The following APOL5 variants were observed in gnomAD, a reference collection of about 807,000 sequenced individuals.
APOL5 encodes apolipoprotein L, 5.
APOL5 carries 29 observed loss-of-function variants against 35.5 expected under a neutral mutation model. That is an observed-to-expected ratio of 0.82 (90% confidence interval 0.61 to 1.11). APOL5 has a LOEUF of 1.11. Ranked by LOEUF, APOL5 falls within the 50% of genes most tolerant of loss-of-function variation. The pLI, the probability that APOL5 is intolerant of heterozygous loss-of-function variation, is 0.00. For missense variants in APOL5, 514 were observed against 530.4 expected, an observed-to-expected ratio of 0.97 and a Z score of 0.30; for synonymous variants, 188 against 200.2, an observed-to-expected ratio of 0.94 and a Z score of 0.51.
upstream of APOL5, among the ~76,000 whole-genome samples, chr22:35,716,770 T>C (rs1246407055): frequency 1.3e-5 from 2 of 152,000 alleles, no homozygotes; most frequent in Non-Finnish European, 1.5e-5. Flanking sequence ...AAGAAAAGAA[T>C]ATAAAGAACA....
chr22:35,719,886 T>C (rs1371240186), intron 1 of APOL5, among the ~76,000 whole-genome samples: 1 of 152,054 alleles, frequency 6.6e-6, no homozygotes, highest in Non-Finnish European at 1.5e-5. Context: ...TTTTATCGAG[T>C]GTAGTTCTCA....
chr22:35,717,450 G>A (rs1011560857), upstream of APOL5, among the ~76,000 whole-genome samples: 9 of 146,690 alleles, frequency 6.1e-5, no homozygotes, highest in African/African-American at 2.3e-4. Flanking sequence ...CCTTCCAAAA[G>A]CCATAGCAGC....
intron 3 of APOL5, among the ~76,000 whole-genome samples, chr22:35,728,052 T>C (rs1326899050): frequency 6.6e-6 from 1 of 152,220 alleles, no homozygotes; most frequent in Non-Finnish European, 1.5e-5. Flanking sequence ...CAGATTTTCA[T>C]TAAGTGGGGC....
At chr22:35,719,519 C>T (rs1222265519) in intron 1 of APOL5, among the ~76,000 whole-genome samples, 3 of 152,214 alleles carry the variant, frequency 2.0e-5, no homozygotes, top group Non-Finnish European at 2.9e-5. Context: ...AACATGGCCC[C>T]GATTGTCTTG....
chr22:35,710,477 G>A, the APOL5 span, among the ~76,000 whole-genome samples: 2 of 150,526 alleles, frequency 1.3e-5, no homozygotes, highest in African/African-American at 4.9e-5. Flanking sequence ...CTATAAATGT[G>A]TATATATATA....
At chr22:35,710,456 T>C in the APOL5 span, among the ~76,000 whole-genome samples, 1 of 151,894 alleles carries the variant, frequency 6.6e-6, no homozygotes, top group Non-Finnish European at 1.5e-5. Context: ...TTTGTCTATA[T>C]ACTTAAATGC....
chr22:35,713,612 G>A (rs921960572), upstream of APOL5, among the ~76,000 whole-genome samples: 13 of 152,180 alleles, frequency 8.5e-5, no homozygotes, highest in African/African-American at 2.7e-4. Flanking sequence ...CTGTGGGGTC[G>A]GTTTTCTTCT....
chr22:35,714,823 G>A (rs1180322166), upstream of APOL5, among the ~76,000 whole-genome samples: 2 of 152,224 alleles, frequency 1.3e-5, no homozygotes, highest in Non-Finnish European at 2.9e-5. Context: ...TGATCCCTGA[G>A]CACAGTGGCC....
intron 2 of APOL5, 35 bp from the exon 3 acceptor site, chr22:35,726,176 A>C: frequency 6.3e-7 from 1 of 1,587,118 alleles, no homozygotes; most frequent in African/African-American, 1.3e-5. Context: ...CCTCCTGCAC[A>C]CATTTTAGTG....
At chr22:35,715,999 T>C (rs1057326205), upstream of APOL5, among the ~76,000 whole-genome samples, 49 of 152,226 alleles carry the variant, frequency 3.2e-4, no homozygotes, top group African/African-American at 1.1e-3. Flanking sequence ...AAGTATCAAA[T>C]TGGGTCAAAA....
rs73155887 is a variant in APOL5 at position 35,726,677 on chromosome 22, C to A, written c.609C>A (p.Ser203Arg). The A allele has an allele frequency of 9.8e-3, 15,846 of 1,614,190 alleles. 101 individuals are homozygous for A. The highest frequency in any genetic ancestry group is 0.011 in the Non-Finnish European group (12,769 of 1,180,038). ...ATTCAGCAGCAAGAGACAAAGCCAG[C>A]CGACTGGGGCCTCTGACAACATCAC... ...RSNSAARDKASRLGPLTTSHE... is the reference protein window; with the variant it reads ...RSNSAARDKARRLGPLTTSHE... Residue 203 changes from serine (S) to arginine (R), a missense_variant, in exon 3 of 5, where the codon AGC becomes AGA. Around this residue, in one of 3 missense-constraint regions of APOL5, gnomAD observed 254 missense variants for 254.7 expected, o/e 1.00. Coordinates refer to ENST00000249044, the MANE Select transcript of APOL5 (RefSeq NM_030642.1).
intron 1 of APOL5, 92 bp downstream of exon 1, chr22:35,718,018 A>G: frequency 9.5e-7 from 1 of 1,056,556 alleles, no homozygotes; most frequent in Non-Finnish European, 1.3e-6. Flanking sequence ...TATTTTTTAT[A>G]CCCACCATAT....
chr22:35,718,593 C>CAAAAAAAAAAAAAAAAAAAAAAAAAAAAA (rs58513283), intron 1 of APOL5, among the ~76,000 whole-genome samples: 1 of 97,060 alleles, frequency 1.0e-5, no homozygotes. Flanking sequence ...GACCCCGTCT[C>CAAAAAAAAAAAAAAAAAAAAAAAAAAAAA]AAAAAAAAAA....
intron 4 of APOL5, 126 bp from the exon 5 acceptor site, chr22:35,729,228 C>T: frequency 4.2e-6 from 1 of 235,494 alleles, no homozygotes; most frequent in Non-Finnish European, 8.1e-6. Flanking sequence ...ACTAGGTGTG[C>T]AAAGTGAAGA....
intron 2 of APOL5, among the ~76,000 whole-genome samples, chr22:35,723,124 G>A (rs1225563846): frequency 6.6e-6 from 1 of 152,178 alleles, no homozygotes; most frequent in Non-Finnish European, 1.5e-5. Flanking sequence ...CTTGGCTAAG[G>A]AGCAGAGGAT....
chr22:35,710,355 T>C, the APOL5 span, among the ~76,000 whole-genome samples: 1 of 151,416 alleles, frequency 6.6e-6, no homozygotes, highest in South Asian at 2.1e-4. Context: ...TTGTCCAGGC[T>C]GGTCTTGAAC....
At chr22:35,711,011 A>T in the APOL5 span, among the ~76,000 whole-genome samples, 1 of 152,028 alleles carries the variant, frequency 6.6e-6, no homozygotes, top group Non-Finnish European at 1.5e-5. Flanking sequence ...TATTAAAAAT[A>T]AAAAAATATT....
At chr22:35,710,778 T>C in the APOL5 span, among the ~76,000 whole-genome samples, 2 of 152,078 alleles carry the variant, frequency 1.3e-5, no homozygotes, top group Admixed American at 1.3e-4. Context: ...AAGAATCCCA[T>C]ATAAGGGGAA....
chr22:35,719,707 G>T (rs1926891892), intron 1 of APOL5, among the ~76,000 whole-genome samples: 1 of 150,066 alleles, frequency 6.7e-6, no homozygotes, highest in Admixed American at 6.6e-5. Flanking sequence ...GGGAGCGTGG[G>T]CTCCGACCCC....
Sources: gnomAD v4.1 joint callset for allele counts (sites outside exome capture counted in the v4.1 genomes callset) on GRCh38, gnomAD v4.1.1 for gene constraint, gnomAD v4.1.1 regional missense constraint, MANE v1.5 for transcripts, NCBI Gene and HGNC (gene_info 2026-07-23, HGNC 2026-07-21) for gene names.